TM2D1: variants seen among roughly 807,000 people sequenced by gnomAD.
The protein encoded by TM2D1 is TM2 domain containing 1.
TM2D1 carries 15 observed loss-of-function variants against 28.4 expected under a neutral mutation model. The observed-to-expected ratio is 0.53, with a 90% confidence interval of 0.35 to 0.81. TM2D1 has a LOEUF of 0.81. TM2D1 is among the 40% of genes least tolerant of loss of function. The pLI, the probability that TM2D1 is intolerant of heterozygous loss-of-function variation, is 0.01. For missense variants in TM2D1, 236 were observed against 254.9 expected, an observed-to-expected ratio of 0.93 and a Z score of 0.50; for synonymous variants, 93 against 96.2, an observed-to-expected ratio of 0.97 and a Z score of 0.20.
rs115689606 is a variant in TM2D1 at position 61,702,206 on chromosome 1, A to G, written c.348-1181T>C. Among the ~76,000 whole-genome samples, 864 of 152,090 alleles carry G rather than the reference A, an allele frequency of 5.7e-3. 11 individuals are homozygous for G. Among genetic ancestry groups the G allele is most frequent in the African/African-American group, 0.02 (811 of 41,506 alleles). ...CTCTGTCTCAAAAAAATAATAAAAA[A>G]TAAGTAATGAATCCAAAGTTTCTGC... is the stretch of plus-strand genomic sequence containing the variant. On this transcript the variant is annotated intron_variant, in intron 3 of 6. Coordinates refer to ENST00000606498, the MANE Select transcript of TM2D1 (RefSeq NM_032027.3).
Position 61,700,940 on chromosome 1 carries a change from C to T in TM2D1, c.433G>A (p.Ala145Thr). ...TTTAATGAAACATACGCACCCAAAG[C>T]AGGGTATCCAAGGTAAAATCGATCT... is the stretch of plus-strand genomic sequence containing the variant. ...GADRFYLGYP[A>T]LGLLKFCTVG... Residue 145 changes from alanine (A) to threonine (T), a missense_variant, in exon 4 of 7, where the codon GCT becomes ACT. Physicochemically the swap from Ala to Thr is moderately conservative, Grantham distance 58 (BLOSUM62 0). Transcript: ENST00000606498. The T allele has an allele frequency of 6.2e-7, 1 of 1,604,230 alleles. No homozygotes were observed.
intron 5 of TM2D1, among the ~76,000 whole-genome samples, chr1:61,688,667 G>C (rs759946359): frequency 6.6e-6 from 1 of 151,080 alleles, no homozygotes; most frequent in Non-Finnish European, 1.5e-5. Flanking sequence ...AGGTCACAGT[G>C]AGCCAAGATC....
At chr1:61,697,288 G>T (rs1644369899) in intron 4 of TM2D1, among the ~76,000 whole-genome samples, 2 of 151,788 alleles carry the variant, frequency 1.3e-5, no homozygotes, top group Non-Finnish European at 2.9e-5. Context: ...GTTTAAATGT[G>T]TTACTCCAGG....
At chr1:61,705,368 T>C (rs1644433229) in intron 3 of TM2D1, among the ~76,000 whole-genome samples, 1 of 152,052 alleles carries the variant, frequency 6.6e-6, no homozygotes, top group Non-Finnish European at 1.5e-5. Flanking sequence ...ATATTTTTAG[T>C]AGAAACGGGG....
intron 3 of TM2D1, 44 bp from the exon 4 acceptor site, chr1:61,701,069 ATTTT>A: frequency 1.3e-6 from 2 of 1,488,832 alleles, no homozygotes; most frequent in Admixed American, 1.9e-5. Flanking sequence ...CAATGTGAAC[ATTTT>A]AGAAAAAAAA....
intron 4 of TM2D1, among the ~76,000 whole-genome samples, chr1:61,695,434 A>T (rs1570102666): frequency 6.6e-6 from 1 of 151,910 alleles, no homozygotes; most frequent in Admixed American, 6.6e-5. Flanking sequence ...TGGGACATCT[A>T]CAATAATATA....
At chr1:61,694,854 T>TAG in intron 4 of TM2D1, 84 bp from the exon 5 acceptor site, 1 of 560,078 alleles carries the variant, frequency 1.8e-6, no homozygotes, top group East Asian at 3.3e-5. Context: ...AAACCATTAT[T>TAG]ATATATATAT....
At position 61,700,685 on chromosome 1, in the gene TM2D1, G is replaced by GT. The variant is rs558412499; in HGVS notation, c.439+248dup. ...GCAGTGACAGTTCCAGTGTACTATCGTAAGTAAATGCCTCCACTATCTTGT... is the reference window on the plus strand; with the variant it reads ...GCAGTGACAGTTCCAGTGTACTATCGTTAAGTAAATGCCTCCACTATCTTGT... On this transcript the variant is annotated intron_variant, in intron 4 of 6. Transcript: ENST00000606498. 1.1e-3 allele frequency among the ~76,000 whole-genome samples: 162 copies of GT among 152,274 alleles called. 2 individuals carry two copies. Among genetic ancestry groups the GT allele is most frequent in the African/African-American group, 3.7e-3 (155 of 41,566 alleles).
chr1:61,690,135 TAAG>T (rs1644313036), intron 5 of TM2D1, among the ~76,000 whole-genome samples: 1 of 152,118 alleles, frequency 6.6e-6, no homozygotes, highest in African/African-American at 2.4e-5. Context: ...TCCAGAACTA[TAAG>T]AAGTAATTTT....
intron 2 of TM2D1, among the ~76,000 whole-genome samples, chr1:61,715,214 G>A (rs767026030): frequency 2.6e-5 from 4 of 152,114 alleles, no homozygotes; most frequent in South Asian, 4.1e-4. Flanking sequence ...TGAAAAGATC[G>A]AGAACTCCAA....
At chr1:61,691,944 T>C (rs868793347) in intron 5 of TM2D1, among the ~76,000 whole-genome samples, 1 of 120,522 alleles carries the variant, frequency 8.3e-6, no homozygotes, top group South Asian at 3.0e-4. Flanking sequence ...TATATATATA[T>C]ATATATATAT....
intron 3 of TM2D1, among the ~76,000 whole-genome samples, chr1:61,701,556 C>CGTGTGTGTGTGTGTGTGTGTGTGTGT (rs60257971): frequency 1.4e-5 from 2 of 145,842 alleles, no homozygotes; most frequent in African/African-American, 5.1e-5. Flanking sequence ...AATTCTCTTT[C>CGTGTGTGTGTGTGTGTGTGTGTGTGT]GTGTGTGTGT....
intron 5 of TM2D1, among the ~76,000 whole-genome samples, chr1:61,691,004 T>C (rs1479295961): frequency 6.6e-6 from 1 of 152,186 alleles, no homozygotes; most frequent in African/African-American, 2.4e-5. Flanking sequence ...TCTTCCATGA[T>C]GAACAGAATT....
At chr1:61,709,245 C>A in intron 3 of TM2D1, 84 bp downstream of exon 3, 1 of 798,356 alleles carries the variant, frequency 1.3e-6, no homozygotes, top group South Asian at 1.5e-5. Context: ...AGGATAGTCC[C>A]CATAAATTAT....
At chr1:61,699,712 G>C (rs1054919871) in intron 4 of TM2D1, 2 of 152,316 alleles carry the variant, frequency 1.3e-5, no homozygotes, top group Admixed American at 1.3e-4. Flanking sequence ...TTATGGTTCT[G>C]TTACAGCGCT....
intron 2 of TM2D1, among the ~76,000 whole-genome samples, chr1:61,713,601 T>G (rs529603869): frequency 1.3e-5 from 2 of 152,152 alleles, no homozygotes; most frequent in South Asian, 4.1e-4. Context: ...GTAAGTAGAT[T>G]AAGTGTGCCA....
chr1:61,682,750 G>A (rs1012391713), intron 6 of TM2D1, among the ~76,000 whole-genome samples: 21 of 152,112 alleles, frequency 1.4e-4, no homozygotes, highest in Middle Eastern at 6.8e-3. Context: ...CAAGTTACCC[G>A]GGCATGGTGG....
At chr1:61,724,039 T>C (rs1644587177) in intron 1 of TM2D1, among the ~76,000 whole-genome samples, 1 of 152,122 alleles carries the variant, frequency 6.6e-6, no homozygotes, top group South Asian at 2.1e-4. Flanking sequence ...TCTCTACAAA[T>C]AATATAATAA....
chr1:61,704,879 G>A (rs2148052691), intron 3 of TM2D1, among the ~76,000 whole-genome samples: 1 of 152,238 alleles, frequency 6.6e-6, no homozygotes, highest in East Asian at 1.9e-4. Context: ...GAAAAGCCTG[G>A]TCAACATAGT....
Sources: gnomAD v4.1 joint callset for allele counts (sites outside exome capture counted in the v4.1 genomes callset) on GRCh38, gnomAD v4.1.1 for gene constraint, MANE v1.5 for transcripts, NCBI Gene and HGNC (gene_info 2026-07-23, HGNC 2026-07-21) for gene names.